Variants in BIN3 observed in about 807,000 individuals in gnomAD.
The protein encoded by BIN3 is bridging integrator 3.
A neutral mutation model predicts 38.2 loss-of-function variants in BIN3; 41 were observed. The ratio of observed to expected loss-of-function variants is 1.07; its 90% CI spans 0.84 to 1.39. The LOEUF (loss-of-function observed/expected upper bound fraction) is 1.39, where lower values mean the gene tolerates loss of function less well. Among genes scored for constraint, BIN3 ranks in the 40% most tolerant of loss-of-function variants. The pLI is 0.00. For synonymous variants in BIN3, 145 were observed against 122.6 expected (o/e 1.18, Z -1.21); for missense variants, 361 against 324.3 (o/e 1.11, Z -0.87).
intron 4 of BIN3, chr8:22,634,369 A>G (rs955799364): frequency 2.5e-6 from 1 of 405,378 alleles, no homozygotes; most frequent in Non-Finnish European, 4.9e-6. Context: ...TTCATGGCAC[A>G]GACCAAGACG....
chr8:22,623,357 C>T (rs941340678), intron 8 of BIN3, among the ~76,000 whole-genome samples: 2 of 152,164 alleles, frequency 1.3e-5, no homozygotes, highest in African/African-American at 2.4e-5. Context: ...CCCCCAGTGG[C>T]GCCCCCATGC....
chr8:22,663,199 CAAGTAT>C (rs1013852200), intron 1 of BIN3, among the ~76,000 whole-genome samples: 3 of 114,260 alleles, frequency 2.6e-5, no homozygotes, highest in Non-Finnish European at 5.3e-5. Context: ...ACTTTTATTT[CAAGTAT>C]AAGTGTGTGT....
chr8:22,647,927 C>T (rs966945330), intron 1 of BIN3, among the ~76,000 whole-genome samples: 3 of 151,836 alleles, frequency 2.0e-5, no homozygotes, highest in Non-Finnish European at 2.9e-5. Context: ...GAGATCGAGA[C>T]CATCCTGGCT....
Position 22,621,511 on chromosome 8 carries a change from G to A in BIN3, c.673C>T (p.Gln225Ter), listed in dbSNP as rs1318416495. The A allele has an allele frequency of 1.2e-6, 2 of 1,613,928 alleles. No individual in the cohort carries two copies. The highest frequency in any genetic ancestry group is 1.7e-6 in the Non-Finnish European group (2 of 1,179,888). The change falls in exon 9 of 9, where the codon CAG (glutamine) becomes TAG (stop). Residue 225 changes from glutamine to a stop codon, truncating the protein, a stop_gained. Transcript: ENST00000276416. LOFTEE classifies it high-confidence loss of function. ...IFGDLSHQLD[Q>*]PGHSDEQRER... is the part of the protein sequence containing the mutation. ...CGCTGCTCATCGGAGTGGCCTGGCT[G>A]GTCAAGCTGATGGGACAGGTCTCCA...
intron 3 of BIN3, 150 bp downstream of exon 3, chr8:22,636,772 C>T (rs1463101835): frequency 1.9e-6 from 2 of 1,044,056 alleles, no homozygotes; most frequent in East Asian, 2.6e-5. Flanking sequence ...TGGCCATTGC[C>T]AGGGAACAGT....
At chr8:22,654,650 T>C (rs148378718) in intron 1 of BIN3, among the ~76,000 whole-genome samples, 1 of 152,362 alleles carries the variant, frequency 6.6e-6, no homozygotes, top group African/African-American at 2.4e-5. Flanking sequence ...TCATAGCATA[T>C]ATCAGTACTT....
At chr8:22,647,603 C>T (rs1161178218) in intron 1 of BIN3, among the ~76,000 whole-genome samples, 6 of 152,144 alleles carry the variant, frequency 3.9e-5, no homozygotes, top group Admixed American at 1.3e-4. Context: ...GCTCATTGTT[C>T]TTAAGGGTCT....
chr8:22,642,095 GCTTT>G (rs1442729464), intron 2 of BIN3, among the ~76,000 whole-genome samples: 3 of 152,200 alleles, frequency 2.0e-5, no homozygotes, highest in Non-Finnish European at 4.4e-5. Context: ...GGGACACAAT[GCTTT>G]CTTTGTGCCT....
intron 8 of BIN3, among the ~76,000 whole-genome samples, chr8:22,621,968 C>T (rs1801839412): frequency 6.6e-6 from 1 of 152,246 alleles, no homozygotes; most frequent in Admixed American, 6.5e-5. Context: ...GCTCCCAAAG[C>T]CCTAAGCCAG....
chr8:22,666,690 T>C (rs796402063), intron 1 of BIN3, among the ~76,000 whole-genome samples: 16 of 152,304 alleles, frequency 1.1e-4, no homozygotes, highest in African/African-American at 3.8e-4. Context: ...AAGTCCACAG[T>C]GTGCAAAGGG....
At chr8:22,667,701 G>A (rs1470917532) in intron 1 of BIN3, among the ~76,000 whole-genome samples, 1 of 152,198 alleles carries the variant, frequency 6.6e-6, no homozygotes, top group African/African-American at 2.4e-5. Flanking sequence ...GGAGCAAATG[G>A]TGGAGGGAAA....
chr8:22,655,121 T>G (rs1803015491), intron 1 of BIN3, among the ~76,000 whole-genome samples: 1 of 152,256 alleles, frequency 6.6e-6, no homozygotes, highest in Non-Finnish European at 1.5e-5. Context: ...ATTCAAATCC[T>G]TTGCTCATTC....
At position 22,624,243 on chromosome 8, in the gene BIN3, T is replaced by C; in HGVS notation, c.459A>G (p.Pro153=). 6.2e-7 allele frequency: 1 copy of C among 1,613,838 alleles called. No homozygotes were observed. Among genetic ancestry groups the C allele is most frequent in the Non-Finnish European group, 8.5e-7 (1 of 1,179,844 alleles). ...EKYEEKEKTG[P]VLAKLHQARE... is the part of the protein sequence containing the mutation. ...GTACCTGGTGGAGCTTGGCCAGCAC[T>C]GGCCCCGTCTTCTCCTTTTCCTCAT... is the stretch of plus-strand genomic sequence containing the variant. The change falls in exon 7 of 9, where the codon CCA becomes CCG. Residue 153 remains proline (P), a synonymous_variant. Transcript: ENST00000276416.
intron 2 of BIN3, among the ~76,000 whole-genome samples, chr8:22,640,882 G>A (rs918723934): frequency 5.9e-5 from 9 of 152,138 alleles, no homozygotes; most frequent in Non-Finnish European, 1.3e-4. Flanking sequence ...TCAGGGGTGG[G>A]AGCGCGTTTT....
chr8:22,657,257 G>A (rs1188388371), intron 1 of BIN3, among the ~76,000 whole-genome samples: 1 of 152,166 alleles, frequency 6.6e-6, no homozygotes, highest in East Asian at 1.9e-4. Flanking sequence ...CTGACTTAAG[G>A]TTCCTGAAGA....
chr8:22,627,839 C>T lies in BIN3; in HGVS notation c.338+2125G>A, dbSNP rs1219159769. On this transcript the variant is annotated intron_variant, in intron 6 of 8. Coordinates refer to ENST00000276416, the MANE Select transcript of BIN3 (RefSeq NM_018688.6). ...TGCCCCGCTCCATGGTCCTGCACCA[C>T]GCTGGCAGCTGCCACACCTGGCCGC... Among the ~76,000 whole-genome samples, 7 of 152,380 alleles carry T rather than the reference C, an allele frequency of 4.6e-5. No individual in the cohort carries two copies. The South Asian group carries it at 8.3e-4, about 18-fold the overall frequency.
At position 22,621,566 on chromosome 8, in the gene BIN3, A is replaced by G; in HGVS notation, c.618T>C (p.Val206=). The change falls in exon 9 of 9, where the codon GTT becomes GTC. Residue 206 remains valine, a splice_region_variant and synonymous_variant. Transcript: ENST00000276416. ...TCTTGTGCATTTCCGAGTAGTACAC[A>G]ACCTGGGGGAGGCGACAGGGGTTGG... is the stretch of plus-strand genomic sequence containing the variant. ...PSFESLIRAQ[V]VYYSEMHKIF... is the part of the protein sequence containing the mutation. 1 of 1,613,546 alleles carries G rather than the reference A, an allele frequency of 6.2e-7. No homozygotes were observed. Among genetic ancestry groups the G allele is most frequent in the African/African-American group, 1.3e-5 (1 of 74,968 alleles).
chr8:22,663,564 C>T (rs1316017302), intron 1 of BIN3, among the ~76,000 whole-genome samples: 1 of 152,058 alleles, frequency 6.6e-6, no homozygotes, highest in Non-Finnish European at 1.5e-5. Flanking sequence ...TTGCTTTGGC[C>T]ATGCCACTTC....
chr8:22,658,874 C>A (rs868663929), intron 1 of BIN3, among the ~76,000 whole-genome samples: 1 of 152,160 alleles, frequency 6.6e-6, no homozygotes, highest in Non-Finnish European at 1.5e-5. Context: ...CCTGGCTCCC[C>A]GGTGAGTGGT....
Sources: gnomAD v4.1 joint callset for allele counts (sites outside exome capture counted in the v4.1 genomes callset) on GRCh38, gnomAD v4.1.1 for gene constraint, MANE v1.5 for transcripts, NCBI Gene and HGNC (gene_info 2026-07-23, HGNC 2026-07-21) for gene names.